Variants in PKNOX1 observed in about 807,000 individuals in gnomAD.
The protein encoded by PKNOX1 is PBX/knotted 1 homeobox 1.
Under a neutral mutation model 51.9 loss-of-function variants are expected in PKNOX1, and 15 were observed. The ratio of observed to expected loss-of-function variants is 0.29; its 90% confidence interval spans 0.19 to 0.45. PKNOX1 has a LOEUF of 0.45. Ranked by LOEUF, PKNOX1 falls within the 20% of genes least tolerant of loss-of-function variation. The pLI, the probability that PKNOX1 is intolerant of heterozygous loss-of-function variation, is 1.00. For missense variants in PKNOX1, 462 were observed against 547.5 expected, an observed-to-expected ratio of 0.84 and a Z score of 1.56; for synonymous variants, 219 against 211.1, an observed-to-expected ratio of 1.04 and a Z score of -0.32.
rs1027597098 is a variant in PKNOX1 at position 43,021,980 on chromosome 21, G to T, written c.849+549G>T. Among the ~76,000 whole-genome samples, 1 of 152,230 alleles carries T rather than the reference G, an allele frequency of 6.6e-6. No individual in the cohort carries two copies. ...CCCAGGACATCTTAGGAAGTGCAGT[G>T]GTGGGCCTGCTTGCTGAGTTGATGG... On this transcript the variant is annotated intron_variant, in intron 8 of 10. Transcript: ENST00000291547. The surrounding 1 kb of genome is among the most constrained non-coding windows in gnomAD (Gnocchi z 4.6).
chr21:43,021,826 AC>A lies in PKNOX1; in HGVS notation c.849+398del, dbSNP rs1445126456. Among the ~76,000 whole-genome samples, 1 of 152,204 alleles carries A rather than the reference AC, an allele frequency of 6.6e-6. No individual in the cohort carries two copies. The highest frequency in any genetic ancestry group is 1.5e-5 in the Non-Finnish European group (1 of 68,026). On this transcript the variant is annotated intron_variant, in intron 8 of 10. Coordinates refer to ENST00000291547, the MANE Select transcript of PKNOX1 (RefSeq NM_004571.5). This position sits in a 1 kb window ranked among gnomAD's most constrained non-coding sequence, Gnocchi z 4.6. ...TTAGAGACATCGCAGGGCCGGGTGC[AC>A]CCACAGGTGGGCCACCGGGTGGGTG...
chr21:43,023,529 C>T lies in PKNOX1; in HGVS notation c.850-1342C>T, dbSNP rs552170619. ...TTAGAGTAAATGTCGTGTTGGTTTC[C>T]ACATATAGACAGTCATCAACCTTGG... is the stretch of plus-strand genomic sequence containing the variant. On this transcript the variant is annotated intron_variant, in intron 8 of 10. Coordinates refer to ENST00000291547, the MANE Select transcript of PKNOX1 (RefSeq NM_004571.5). Among the ~76,000 whole-genome samples the T allele has an allele frequency of 5.3e-5, 8 of 152,210 alleles. No homozygotes were observed. The South Asian group carries it at 1.7e-3, about 32-fold the overall frequency.
chr21:43,014,583 C>G (rs567325484), intron 5 of PKNOX1, among the ~76,000 whole-genome samples: 1 of 152,308 alleles, frequency 6.6e-6, no homozygotes, highest in Non-Finnish European at 1.5e-5. Context: ...TTGCCTAACC[C>G]TAGGTCCCAA....
At chr21:43,026,227 T>G (rs1979977767) in intron 9 of PKNOX1, among the ~76,000 whole-genome samples, 1 of 152,228 alleles carries the variant, frequency 6.6e-6, no homozygotes, top group Non-Finnish European at 1.5e-5. Context: ...CTATGTTACA[T>G]TAACGAATTG....
chr21:42,999,484 CTT>C (rs1217634962), intron 1 of PKNOX1, among the ~76,000 whole-genome samples: 1 of 138,344 alleles, frequency 7.2e-6, no homozygotes, highest in Non-Finnish European at 1.6e-5. Flanking sequence ...ATTTTCTTTT[CTT>C]TTTTTTTCTT....
chr21:42,983,132 T>TA (rs2146224819), intron 1 of PKNOX1, among the ~76,000 whole-genome samples: 1 of 152,252 alleles, frequency 6.6e-6, no homozygotes, highest in East Asian at 1.9e-4. Context: ...TTTTTTGTTA[T>TA]GGTAAAATAC....
At chr21:43,005,557 C>A (rs908650436) in intron 2 of PKNOX1, among the ~76,000 whole-genome samples, 5 of 148,222 alleles carry the variant, frequency 3.4e-5, no homozygotes, top group Non-Finnish European at 5.9e-5. Context: ...TTCTAAAATG[C>A]AAATCTAATA....
At chr21:43,023,984 T>A (rs1979880751) in intron 8 of PKNOX1, among the ~76,000 whole-genome samples, 1 of 151,060 alleles carries the variant, frequency 6.6e-6, no homozygotes, top group African/African-American at 2.4e-5. Context: ...TCCACCTGCC[T>A]CAGCCTCCCA....
At chr21:42,994,956 C>T (rs1978430436) in intron 1 of PKNOX1, among the ~76,000 whole-genome samples, 1 of 119,162 alleles carries the variant, frequency 8.4e-6, no homozygotes, top group Non-Finnish European at 1.6e-5. Context: ...GAGTCTTGCT[C>T]TGTCGCCCAG....
intron 1 of PKNOX1, among the ~76,000 whole-genome samples, chr21:42,988,680 G>A (rs1380136968): frequency 2.6e-5 from 4 of 152,058 alleles, no homozygotes; most frequent in Admixed American, 6.6e-5. Flanking sequence ...GATTCTTTCC[G>A]GTGGCTCCCA....
chr21:42,984,618 C>T (rs1173190429), intron 1 of PKNOX1, among the ~76,000 whole-genome samples: 1 of 152,220 alleles, frequency 6.6e-6, no homozygotes, highest in Non-Finnish European at 1.5e-5. Context: ...GAACTCCCGA[C>T]CTTAGGTGAT....
chr21:43,017,916 T>C, intron 6 of PKNOX1: 1 of 457,522 alleles, frequency 2.2e-6, no homozygotes, highest in Non-Finnish European at 3.9e-6. Flanking sequence ...TTTGTAAGTA[T>C]ATCAAGAAGA....
At chr21:43,000,549 C>T (rs908678523) in intron 1 of PKNOX1, among the ~76,000 whole-genome samples, 2 of 152,158 alleles carry the variant, frequency 1.3e-5, no homozygotes, top group Non-Finnish European at 2.9e-5. Context: ...GATTCAATTA[C>T]CTCCCACTGG....
chr21:43,018,469 G>GGCCCCCCC (rs1979600425), intron 7 of PKNOX1, among the ~76,000 whole-genome samples: 1 of 11,046 alleles, frequency 9.1e-5, no homozygotes, highest in African/African-American at 4.7e-4. Context: ...ACCACCCCCT[G>GGCCCCCCC]CCACCCACAC....
chr21:42,988,961 G>A (rs1054099373), intron 1 of PKNOX1, among the ~76,000 whole-genome samples: 2 of 145,590 alleles, frequency 1.4e-5, no homozygotes, highest in Non-Finnish European at 3.0e-5. Flanking sequence ...CGGGCTGGAT[G>A]AGGACCCCCT....
chr21:42,987,103 C>T (rs2059055889), intron 1 of PKNOX1, among the ~76,000 whole-genome samples: 1 of 151,902 alleles, frequency 6.6e-6, no homozygotes, highest in Non-Finnish European at 1.5e-5. Context: ...ATACTCAGGC[C>T]AGGTGCGGTG....
Position 43,033,187 on chromosome 21 carries a change from C to G in PKNOX1, c.*3086C>G, listed in dbSNP as rs975986393. 6.6e-6 allele frequency: 1 copy of G among 152,150 alleles called. No homozygotes were observed. Among genetic ancestry groups the G allele is most frequent in the African/African-American group, 2.4e-5 (1 of 41,418 alleles). 9.4% of individuals were successfully genotyped at this position (152,150 alleles called of 1,614,324 possible). ...GCTCCCACCGAGGGACTAGCTTGGC[C>G]TTTGCGCTTTGATTCCAGATAGTAA... On this transcript the variant is annotated 3_prime_UTR_variant, in exon 11 of 11. Coordinates refer to ENST00000291547, the MANE Select transcript of PKNOX1 (RefSeq NM_004571.5).
chr21:43,014,995 C>T (rs991912788), intron 5 of PKNOX1, among the ~76,000 whole-genome samples: 1 of 152,244 alleles, frequency 6.6e-6, no homozygotes, highest in African/African-American at 2.4e-5. Flanking sequence ...TTCCAGTCCA[C>T]AGGTATGGCA....
chr21:42,994,517 T>C (rs1042413162), intron 1 of PKNOX1, among the ~76,000 whole-genome samples: 3 of 150,928 alleles, frequency 2.0e-5, no homozygotes, highest in African/African-American at 2.4e-5. Context: ...TACCAATCTA[T>C]ACATTTTGAA....
Sources: allele counts gnomAD v4.1 joint callset (sites outside exome capture counted in the v4.1 genomes callset), GRCh38; gene constraint gnomAD v4.1.1; non-coding constraint Gnocchi (gnomAD v3.1); transcripts MANE v1.5; gene names NCBI Gene and HGNC (gene_info 2026-07-23, HGNC 2026-07-21).